Variants in HMG20A observed in about 807,000 individuals in gnomAD.
HMG20A encodes the protein high mobility group 20A, also known as high mobility group protein 20A.
In HMG20A, 17 loss-of-function variants were observed where a neutral mutation model predicts 43.9. The ratio of observed to expected loss-of-function variants is 0.39; its 90% confidence interval spans 0.27 to 0.58. HMG20A has a LOEUF of 0.58. Ranked by LOEUF, HMG20A falls within the 20% of genes least tolerant of loss-of-function variation. The pLI is 0.59. For missense variants in HMG20A, 341 were observed against 438.2 expected, an observed-to-expected ratio of 0.78 and a Z score of 1.98; for synonymous variants, 132 against 147.5, an observed-to-expected ratio of 0.89 and a Z score of 0.76.
the HMG20A span, among the ~76,000 whole-genome samples, chr15:77,500,859 G>A: frequency 2.0e-5 from 3 of 151,214 alleles, no homozygotes; most frequent in Admixed American, 6.6e-5. Context: ...ATGAGCCACC[G>A]CGCCTGGCCC....
chr15:77,487,574 A>G (rs2072952130), downstream of HMG20A, among the ~76,000 whole-genome samples: 1 of 152,204 alleles, frequency 6.6e-6, no homozygotes, highest in Non-Finnish European at 1.5e-5. Context: ...AGTCTTGTTT[A>G]GTAAAAATCA....
At chr15:77,425,152 G>A (rs1011883751) in intron 1 of HMG20A, among the ~76,000 whole-genome samples, 10 of 152,040 alleles carry the variant, frequency 6.6e-5, no homozygotes, top group South Asian at 2.1e-4. Context: ...AACTGTACAC[G>A]TTCTGTCCAT....
the HMG20A span, among the ~76,000 whole-genome samples, chr15:77,519,194 G>A: frequency 1.3e-5 from 2 of 152,142 alleles, no homozygotes; most frequent in Non-Finnish European, 2.9e-5. Flanking sequence ...GCTGTCAAAG[G>A]AAGAAAAAGA....
intron 2 of HMG20A, among the ~76,000 whole-genome samples, chr15:77,463,752 A>G (rs906440152): frequency 2.0e-5 from 3 of 152,242 alleles, no homozygotes; most frequent in Non-Finnish European, 2.9e-5. Context: ...ACTAAACGCT[A>G]TAATCCAAGA....
At chr15:77,449,710 A>G (rs1027183481) in intron 1 of HMG20A, among the ~76,000 whole-genome samples, 1 of 151,934 alleles carries the variant, frequency 6.6e-6, no homozygotes, top group African/African-American at 2.4e-5. Context: ...GAGACTTCCT[A>G]TATATTCCCT....
chr15:77,427,448 A>G (rs1266894400), intron 1 of HMG20A, among the ~76,000 whole-genome samples: 2 of 152,306 alleles, frequency 1.3e-5, no homozygotes, highest in East Asian at 1.9e-4. Flanking sequence ...AAAAGATTGT[A>G]CTGATTTTTA....
intron 1 of HMG20A, among the ~76,000 whole-genome samples, chr15:77,431,628 T>C (rs1038674876): frequency 2.0e-5 from 3 of 152,216 alleles, no homozygotes; most frequent in Non-Finnish European, 4.4e-5. Flanking sequence ...ACATATGTAT[T>C]ACCTCACACA....
chr15:77,438,444 A>G (rs1231027162), intron 1 of HMG20A, among the ~76,000 whole-genome samples: 1 of 152,184 alleles, frequency 6.6e-6, no homozygotes, highest in African/African-American at 2.4e-5. Flanking sequence ...CATGTCTTTT[A>G]ATCAGAATAA....
chr15:77,516,174 A>G, the HMG20A span, among the ~76,000 whole-genome samples: 1 of 152,178 alleles, frequency 6.6e-6, no homozygotes, highest in African/African-American at 2.4e-5. Context: ...CTCTTGATGA[A>G]AAATGTATGA....
the HMG20A span, among the ~76,000 whole-genome samples, chr15:77,503,670 A>C: frequency 6.6e-6 from 1 of 152,204 alleles, no homozygotes; most frequent in Admixed American, 6.5e-5. Context: ...ATGTCACACG[A>C]TTCTAGGGGT....
chr15:77,489,311 GAC>G (rs774458160), downstream of HMG20A, among the ~76,000 whole-genome samples: 4 of 152,168 alleles, frequency 2.6e-5, no homozygotes, highest in Non-Finnish European at 4.4e-5. Context: ...AGTAAATTAA[GAC>G]ACAGATCTGA....
At chr15:77,443,352 T>TATGATGATGATGATG (rs771200087) in intron 1 of HMG20A, among the ~76,000 whole-genome samples, 12 of 141,776 alleles carry the variant, frequency 8.5e-5, no homozygotes, top group African/African-American at 3.1e-4. Context: ...ATCTATTTTT[T>TATGATGATGATGATG]ATGATGATGA....
intron 4 of HMG20A, among the ~76,000 whole-genome samples, chr15:77,469,411 A>G (rs2072786401): frequency 6.6e-6 from 1 of 151,804 alleles, no homozygotes; most frequent in Non-Finnish European, 1.5e-5. Flanking sequence ...TCTAAGCAAG[A>G]TCTTGGCTTA....
At chr15:77,470,591 A>G (rs768741795) in intron 4 of HMG20A, among the ~76,000 whole-genome samples, 2 of 152,198 alleles carry the variant, frequency 1.3e-5, no homozygotes, top group South Asian at 2.1e-4. Flanking sequence ...ATAGAGTTCT[A>G]TCTATAGAGT....
chr15:77,518,244 A>G, the HMG20A span, among the ~76,000 whole-genome samples: 1 of 152,148 alleles, frequency 6.6e-6, no homozygotes, highest in Non-Finnish European at 1.5e-5. Flanking sequence ...CCGATAGGGG[A>G]GGCTCTGTGA....
chr15:77,467,641 G>A (rs1344055350), intron 4 of HMG20A, among the ~76,000 whole-genome samples: 4 of 152,114 alleles, frequency 2.6e-5, no homozygotes, highest in Admixed American at 2.0e-4. Flanking sequence ...ATGAAAAGTC[G>A]TGAATTAAAT....
downstream of HMG20A, among the ~76,000 whole-genome samples, chr15:77,490,205 T>G (rs913469851): frequency 1.3e-5 from 2 of 152,192 alleles, no homozygotes; most frequent in African/African-American, 4.8e-5. Context: ...TGAGAATCCC[T>G]TGAACCCAGG....
At chr15:77,422,827 T>A (rs1334035545) in intron 1 of HMG20A, among the ~76,000 whole-genome samples, 4 of 152,204 alleles carry the variant, frequency 2.6e-5, no homozygotes, top group African/African-American at 9.6e-5. Flanking sequence ...CAAAACATTG[T>A]CTTTGTGGTT....
At chr15:77,476,498 A>T (rs112032866) in intron 6 of HMG20A, among the ~76,000 whole-genome samples, 17 of 86,736 alleles carry the variant, frequency 2.0e-4, no homozygotes, top group African/African-American at 5.3e-4. Flanking sequence ...AAAAAAAAAA[A>T]AAAAAAAAAA....
Sources: allele counts gnomAD v4.1 joint callset (sites outside exome capture counted in the v4.1 genomes callset), GRCh38; gene constraint gnomAD v4.1.1; transcripts MANE v1.5; gene names NCBI Gene and HGNC (gene_info 2026-07-23, HGNC 2026-07-21).